MTHFD2L: variants seen among roughly 807,000 people sequenced by gnomAD.
The protein encoded by MTHFD2L is methylenetetrahydrofolate dehydrogenase (NADP+ dependent) 2 like.
In MTHFD2L, 29 loss-of-function variants were observed where a neutral mutation model predicts 34.9. The ratio of observed to expected loss-of-function variants is 0.83; its 90% CI spans 0.62 to 1.13. The LOEUF (loss-of-function observed/expected upper bound fraction) is 1.13. Ranked by LOEUF, MTHFD2L falls within the 50% of genes most tolerant of loss-of-function variation. The probability of loss-of-function intolerance (pLI) is 0.00; values close to 1 mark genes in which losing one functional copy is unlikely to be tolerated. For missense variants in MTHFD2L, 481 were observed against 446.5 expected (o/e 1.08, Z -0.70); for synonymous variants, 167 against 155.7 (o/e 1.07, Z -0.54).
intron 6 of MTHFD2L, among the ~76,000 whole-genome samples, chr4:74,245,847 T>C (rs1742359573): frequency 6.6e-6 from 1 of 151,588 alleles, no homozygotes; most frequent in Non-Finnish European, 1.5e-5. Context: ...ATGGTGTATA[T>C]GTGCCACATT....
chr4:74,163,765 A>G (rs927153801), intron 1 of MTHFD2L, among the ~76,000 whole-genome samples: 3 of 152,228 alleles, frequency 2.0e-5, no homozygotes, highest in African/African-American at 7.2e-5. Flanking sequence ...CAAACTCAAG[A>G]CATCGAAGAT....
At chr4:74,165,573 G>C (rs1011816782) in intron 1 of MTHFD2L, among the ~76,000 whole-genome samples, 5 of 152,088 alleles carry the variant, frequency 3.3e-5, no homozygotes, top group Non-Finnish European at 5.9e-5. Flanking sequence ...GGTCAGGCTG[G>C]TCTTGAACTC....
At chr4:74,119,326 C>T (rs952619019), upstream of MTHFD2L, among the ~76,000 whole-genome samples, 1 of 152,196 alleles carries the variant, frequency 6.6e-6, no homozygotes, top group African/African-American at 2.4e-5. Context: ...CTCTTTCCTG[C>T]ACTGCACACT....
chr4:74,166,411 G>A (rs1014965150), intron 1 of MTHFD2L, among the ~76,000 whole-genome samples: 3 of 152,188 alleles, frequency 2.0e-5, no homozygotes, highest in African/African-American at 7.2e-5. Flanking sequence ...TGTAAGGACA[G>A]AAATTAAAAT....
upstream of MTHFD2L, among the ~76,000 whole-genome samples, chr4:74,121,499 C>T (rs1560397724): frequency 6.7e-6 from 1 of 150,016 alleles, no homozygotes; most frequent in Non-Finnish European, 1.5e-5. Context: ...GTCACTGCCT[C>T]CCATCACCTG....
chr4:74,158,547 A>G (rs1724696096), intron 1 of MTHFD2L, among the ~76,000 whole-genome samples: 1 of 152,150 alleles, frequency 6.6e-6, no homozygotes, highest in South Asian at 2.1e-4. Flanking sequence ...TTGATTTAGG[A>G]AGACATTTGA....
Position 74,228,863 on chromosome 4 carries a change from C to T in MTHFD2L, c.805+3469C>T, listed in dbSNP as rs374717832. On this transcript the variant is annotated intron_variant, in intron 6 of 7. Coordinates refer to ENST00000325278, the MANE Select transcript of MTHFD2L (RefSeq NM_001144978.3). ...GTGGGTGTTGAGGCTGTCCCACAAG[C>T]ATCCCGCTGAGGGTATTTTCTTACC... Among the ~76,000 whole-genome samples, 8 of 152,320 alleles carry T rather than the reference C, an allele frequency of 5.3e-5. No homozygotes were observed. The East Asian group carries it at 5.8e-4, about 11-fold the overall frequency.
intron 6 of MTHFD2L, 81 bp downstream of exon 6, chr4:74,225,475 T>C (rs1739003665): frequency 1.7e-6 from 2 of 1,150,462 alleles, no homozygotes; most frequent in Admixed American, 1.9e-5. Flanking sequence ...GTTTGAAAGC[T>C]TTTTGAGAGA....
rs184763238 is a variant in MTHFD2L, at chr4:74,165,919, G to T, written c.143+7638G>T. Among the ~76,000 whole-genome samples, 919 of 151,576 alleles carry T rather than the reference G, an allele frequency of 6.1e-3. 6 individuals carry two copies. Among genetic ancestry groups the T allele is most frequent in the African/African-American group, 0.022 (889 of 40,924 alleles). ...TTCTTTGACAAATATTTAGATAAAA[G>T]AAATAAGTTGTTTTTGTGTATGATT... On this transcript the variant is annotated intron_variant, in intron 1 of 7. Transcript: ENST00000325278.
At chr4:74,175,007 A>G (rs190731609) in intron 2 of MTHFD2L, among the ~76,000 whole-genome samples, 8 of 152,286 alleles carry the variant, frequency 5.3e-5, no homozygotes, top group Admixed American at 2.6e-4. Flanking sequence ...AACTTGGCCT[A>G]ATAGTTGCAT....
chr4:74,268,221 A>T (rs375746251), intron 6 of MTHFD2L: 105 of 982,482 alleles, frequency 1.1e-4, no homozygotes, highest in Non-Finnish European at 1.2e-4. Flanking sequence ...TCTAGGATGC[A>T]TTTAGCCATT....
chr4:74,268,175 C>T (rs888144451), intron 6 of MTHFD2L: 118 of 983,082 alleles, frequency 1.2e-4, no homozygotes, highest in Non-Finnish European at 1.4e-4. Flanking sequence ...GGAGAAGACA[C>T]TGAGGTTTTT....
chr4:74,221,311 AGT>A (rs1309059028), intron 5 of MTHFD2L, among the ~76,000 whole-genome samples: 3 of 151,778 alleles, frequency 2.0e-5, no homozygotes, highest in African/African-American at 4.8e-5. Context: ...ATATAACATT[AGT>A]TAAGTTATTG....
intron 7 of MTHFD2L, among the ~76,000 whole-genome samples, chr4:74,290,373 C>T (rs1327198889): frequency 2.0e-5 from 3 of 152,162 alleles, no homozygotes; most frequent in Non-Finnish European, 4.4e-5. Context: ...TCTTTCACTC[C>T]CTGCTCTTTT....
rs941877965 is a variant in MTHFD2L, at chr4:74,115,589, G to A, written c.-144+932G>A. Among the ~76,000 whole-genome samples, 3 of 152,200 alleles carry A rather than the reference G, an allele frequency of 2.0e-5. No individual in the cohort carries two copies. In the East Asian group the frequency reaches 5.8e-4, roughly 29 times the overall value. On this transcript the variant is annotated intron_variant and NMD_transcript_variant, in intron 2 of 9. Coordinates refer to the MTHFD2L transcript ENST00000429519. Reference sequence around the variant, plus strand: ...TCTGTCAGTATGAACATGCCTTCATGGGCAGAAATTAGGAGCCCACTAGCT... The same window carrying A: ...TCTGTCAGTATGAACATGCCTTCATAGGCAGAAATTAGGAGCCCACTAGCT...
At position 74,175,322 on chromosome 4, in the gene MTHFD2L, C is replaced by T. The variant is rs371753177; in HGVS notation, c.370C>T (p.Gln124Ter). ...CATTCTAAAACCTAAGGATGTTTCTCAGGAAGAACTTTTGGACGTAACTGA... is the reference window on the plus strand; with the variant it reads ...CATTCTAAAACCTAAGGATGTTTCTTAGGAAGAACTTTTGGACGTAACTGA... ...ELILKPKDVS[Q>*]EELLDVTDQL... Residue 124 changes from glutamine (Q) to a stop codon, truncating the protein, a stop_gained, in exon 3 of 8, where the codon CAG becomes TAG. Transcript: ENST00000325278. LOFTEE classifies it high-confidence loss of function. The T allele has an allele frequency of 5.0e-6, 8 of 1,613,054 alleles. No individual in the cohort carries two copies. The highest frequency in any genetic ancestry group is 5.9e-6 in the Non-Finnish European group (7 of 1,179,418).
chr4:74,235,000 A>G (rs75201627), intron 6 of MTHFD2L, among the ~76,000 whole-genome samples: 1,773 of 152,248 alleles, frequency 0.012, 41 homozygotes, highest in African/African-American at 0.041. Flanking sequence ...GACTTCTGGC[A>G]GCTTAGAGCT....
In MTHFD2L at chr4:74,185,151, C is replaced by CAAA. The variant is rs1169021073; in HGVS notation, c.451+9774_451+9776dup. Among the ~76,000 whole-genome samples the CAAA allele has an allele frequency of 2.4e-3, 39 of 15,970 alleles. 4 individuals are homozygous for CAAA. The highest frequency in any genetic ancestry group is 6.8e-3 in the African/African-American group (34 of 5,006). 10.5% of individuals were successfully genotyped at this position (15,970 alleles called of 152,430 possible). A position where few individuals can be genotyped will look rare whatever the true frequency, so the allele number is the denominator to read the frequency against. On this transcript the variant is annotated intron_variant, in intron 3 of 7. Coordinates refer to ENST00000325278, the MANE Select transcript of MTHFD2L (RefSeq NM_001144978.3). ...TGGGCGACAGAGCGAGACTCCATCT[C>CAAA]AAAAAAAAAAAAAAAAAAAAAAAAA...
intron 6 of MTHFD2L, among the ~76,000 whole-genome samples, chr4:74,239,341 G>T (rs958897735): frequency 1.3e-5 from 2 of 152,000 alleles, no homozygotes; most frequent in African/African-American, 2.4e-5. Flanking sequence ...GTCGTAGTTT[G>T]GGGGGGCAGA....
Sources: allele counts gnomAD v4.1 joint callset (sites outside exome capture counted in the v4.1 genomes callset), GRCh38; gene constraint gnomAD v4.1.1; transcripts MANE v1.5; gene names NCBI Gene and HGNC (gene_info 2026-07-23, HGNC 2026-07-21).